Variants in YBEY observed in about 807,000 individuals in gnomAD.
YBEY encodes ybeY metalloendoribonuclease.
YBEY carries 15 observed loss-of-function variants against 13.5 expected under a neutral mutation model. The observed-to-expected ratio is 1.11, with a 90% confidence interval of 0.75 to 1.72. YBEY has a LOEUF of 1.72. Ranked by LOEUF, YBEY falls within the 40% of genes most tolerant of loss-of-function variation. The pLI is 0.00. For synonymous variants in YBEY, 101 were observed against 83.1 expected (o/e 1.21, Z -1.17); for missense variants, 244 against 208.4 (o/e 1.17, Z -1.05).
At chr21:46,310,593 G>A in the YBEY span, among the ~76,000 whole-genome samples, 2 of 151,824 alleles carry the variant, frequency 1.3e-5, no homozygotes, top group African/African-American at 4.8e-5. Flanking sequence ...CGGATCACCT[G>A]AGGTTGGGAG....
chr21:46,298,709 G>A (rs1379543631), downstream of YBEY, among the ~76,000 whole-genome samples: 1 of 151,730 alleles, frequency 6.6e-6, no homozygotes, highest in Non-Finnish European at 1.5e-5. Context: ...GATTACAGGC[G>A]TGAGCCACCA....
chr21:46,287,593 A>G (rs1341899134), intron 2 of YBEY, among the ~76,000 whole-genome samples: 1 of 152,134 alleles, frequency 6.6e-6, no homozygotes, highest in Non-Finnish European at 1.5e-5. Context: ...TAATTTTGAA[A>G]ATTTTCAAAT....
At chr21:46,304,026 T>G in the YBEY span, among the ~76,000 whole-genome samples, 3 of 105,360 alleles carry the variant, frequency 2.8e-5, no homozygotes, top group Non-Finnish European at 5.9e-5. Context: ...GCTGGTTTTT[T>G]TTTTTTTTTT....
chr21:46,301,642 C>T (rs1483038949), downstream of YBEY: 8 of 1,079,690 alleles, frequency 7.4e-6, no homozygotes, highest in South Asian at 4.5e-5. Context: ...AGGCTGGTGG[C>T]GTCCACGGCC....
chr21:46,300,730 C>G, downstream of YBEY: 2 of 1,288,862 alleles, frequency 1.6e-6, no homozygotes, highest in Non-Finnish European at 2.0e-6. Flanking sequence ...TGCAAACTTT[C>G]AAAGATGGAA....
chr21:46,301,608 T>G (rs1163638798), downstream of YBEY: 1 of 1,018,520 alleles, frequency 9.8e-7, no homozygotes, highest in African/African-American at 1.7e-5. Flanking sequence ...TTAAACTCTT[T>G]CTGGATGAAA....
chr21:46,313,098 C>T, the YBEY span: 2 of 976,232 alleles, frequency 2.0e-6, no homozygotes, highest in East Asian at 1.1e-4. Flanking sequence ...AGAGCTACAT[C>T]GTAAACAGCT....
At chr21:46,291,129 A>G (rs556012219) in intron 2 of YBEY, among the ~76,000 whole-genome samples, 62 of 148,992 alleles carry the variant, frequency 4.2e-4, no homozygotes, top group Non-Finnish European at 7.1e-4. Flanking sequence ...CCCGGGAGGC[A>G]GAGGTTGCAG....
chr21:46,287,015 A>G lies in YBEY; in HGVS notation c.102A>G (p.Lys34=), dbSNP rs768151124. ...TAAGGAGGATTTTAGGAGTGCAGAA[A>G]TTTGACCTGGGGATCATCTGTGTTG... ...EIVRRILGVQ[K]FDLGIICVDN... The change falls in exon 2 of 5, where the codon AAA becomes AAG. Residue 34 remains lysine (K), a synonymous_variant. Transcript: ENST00000397701. The G allele has an allele frequency of 3.7e-6, 6 of 1,614,138 alleles. No homozygotes were observed. Among genetic ancestry groups the G allele is most frequent in the Non-Finnish European group, 5.1e-6 (6 of 1,180,030 alleles).
chr21:46,295,063 C>T (rs1206191421), intron 3 of YBEY, among the ~76,000 whole-genome samples: 8 of 152,196 alleles, frequency 5.3e-5, no homozygotes, highest in Non-Finnish European at 1.0e-4. Flanking sequence ...AGATTCAGCC[C>T]TGGGATCTCT....
At chr21:46,298,497 C>T (rs11089055), downstream of YBEY, among the ~76,000 whole-genome samples, 3 of 141,626 alleles carry the variant, frequency 2.1e-5, 1 homozygote, top group Non-Finnish European at 4.6e-5. Flanking sequence ...GGTGCGATCT[C>T]GGCTCACTAC....
intron 2 of YBEY, among the ~76,000 whole-genome samples, chr21:46,288,540 G>A (rs1012218774): frequency 5.9e-5 from 9 of 152,302 alleles, no homozygotes; most frequent in African/African-American, 1.9e-4. Flanking sequence ...TTAGCTGGGT[G>A]TGGTGGCATT....
chr21:46,302,675 A>AC (rs2082165536), downstream of YBEY: 1 of 946,272 alleles, frequency 1.1e-6, no homozygotes. Context: ...GTGTGTCTGT[A>AC]CACTGTGCAG....
chr21:46,295,766 C>T (rs995756807), intron 3 of YBEY, among the ~76,000 whole-genome samples: 1 of 152,116 alleles, frequency 6.6e-6, no homozygotes, highest in Non-Finnish European at 1.5e-5. Flanking sequence ...TGTGCGCTTG[C>T]CTCGTCCCTC....
chr21:46,305,736 G>A, the YBEY span, among the ~76,000 whole-genome samples: 4 of 151,242 alleles, frequency 2.6e-5, no homozygotes, highest in African/African-American at 9.7e-5. Context: ...TTAGAAGATC[G>A]AGACCATCCT....
intron 3 of YBEY, among the ~76,000 whole-genome samples, chr21:46,295,282 G>C (rs895196303): frequency 6.6e-6 from 1 of 151,954 alleles, no homozygotes; most frequent in Admixed American, 6.6e-5. Context: ...TCTGCTCAGG[G>C]CTGGCTCTCA....
the YBEY span, among the ~76,000 whole-genome samples, chr21:46,305,810 C>A: frequency 1.3e-5 from 2 of 151,848 alleles, no homozygotes; most frequent in Non-Finnish European, 2.9e-5. Flanking sequence ...GGCCTGGTGG[C>A]GGGCACATGT....
intron 3 of YBEY, among the ~76,000 whole-genome samples, chr21:46,294,583 CGCGGTT>C: frequency 2.3e-5 from 2 of 85,646 alleles, no homozygotes; most frequent in African/African-American, 5.1e-5. Flanking sequence ...AAATTCCTCC[CGCGGTT>C]AGCCTGACCC....
downstream of YBEY, chr21:46,301,859 C>A (rs568525856): frequency 7.8e-7 from 1 of 1,281,154 alleles, no homozygotes; most frequent in South Asian, 2.8e-5. Flanking sequence ...CCAGGAGGAG[C>A]CTGCAGTCCA....
Sources: gnomAD v4.1 joint callset for allele counts (sites outside exome capture counted in the v4.1 genomes callset) on GRCh38, gnomAD v4.1.1 for gene constraint, MANE v1.5 for transcripts, NCBI Gene and HGNC (gene_info 2026-07-23, HGNC 2026-07-21) for gene names.